IL1R2: variants seen among roughly 807,000 people sequenced by gnomAD.
The protein encoded by IL1R2 is interleukin-1 receptor type 2.
Under a neutral mutation model 39.5 loss-of-function variants are expected in IL1R2, and 46 were observed. That is an observed-to-expected ratio of 1.16 (90% CI 0.92 to 1.49). The LOEUF is 1.49. Ranked by LOEUF, IL1R2 falls within the 40% of genes most tolerant of loss-of-function variation. IL1R2 has a pLI of 0.00. For synonymous variants in IL1R2, 207 were observed against 189.6 expected, an observed-to-expected ratio of 1.09 and a Z score of -0.75; for missense variants, 537 against 502.0, an observed-to-expected ratio of 1.07 and a Z score of -0.67.
rs529571441 is a variant in IL1R2, at chr2:102,003,235, G to T, written c.-61-5280G>T. Among the ~76,000 whole-genome samples, 4 of 131,024 alleles carry T rather than the reference G, an allele frequency of 3.1e-5. No homozygotes were observed. In the East Asian group the frequency reaches 9.1e-4, roughly 30 times the overall value. 86.0% of individuals were successfully genotyped at this position (131,024 alleles called of 152,430 possible). A position where few individuals can be genotyped will look rare whatever the true frequency, so the allele number is the denominator to read the frequency against. On this transcript the variant is annotated intron_variant, in intron 1 of 8. Transcript: ENST00000332549. ...ATATCTGTGTCTGTGTCTGGCTGTG[G>T]CTGTGTCTGTGTCTGTGTCGGTGTC...
At chr2:101,992,358 G>T (rs1675381628) in intron 1 of IL1R2, among the ~76,000 whole-genome samples, 1 of 151,160 alleles carries the variant, frequency 6.6e-6, no homozygotes, top group Non-Finnish European at 1.5e-5. Context: ...GACAGAGAAA[G>T]ACAGAGACAG....
intron 3 of IL1R2, 150 bp downstream of exon 3, chr2:102,009,976 C>A (rs536495530): frequency 1.9e-4 from 156 of 823,442 alleles, no homozygotes; most frequent in East Asian, 5.9e-4. Context: ...TCCTGACACC[C>A]CCCCCAACCC....
intron 3 of IL1R2, 45 bp downstream of exon 3, chr2:102,009,871 G>A: frequency 6.3e-7 from 1 of 1,597,810 alleles, no homozygotes; most frequent in African/African-American, 1.3e-5. Flanking sequence ...CTGGCAGGAT[G>A]GAGGCTTGTG....
rs140274650 is a variant in IL1R2 at position 102,005,976 on chromosome 2, A to G, written c.-61-2539A>G. ...TAACCCCTTTAAACTCTTATAATAC[A>G]TCCTCTGTAAAATCAGCATGATACT... On this transcript the variant is annotated intron_variant, in intron 1 of 8. Coordinates refer to ENST00000332549, the MANE Select transcript of IL1R2 (RefSeq NM_004633.4). Among the ~76,000 whole-genome samples the G allele has an allele frequency of 8.8e-3, 1,334 of 152,300 alleles. 22 individuals are homozygous for G. Among genetic ancestry groups the G allele is most frequent in the African/African-American group, 0.031 (1,273 of 41,540 alleles).
chr2:102,014,726 G>A lies in IL1R2; in HGVS notation c.333-1145G>A, dbSNP rs3218891. The stretch of plus-strand genomic sequence containing the variant: ...ATTTTTACCCCTATATGTAAAACTC[G>A]TCCTTATTGTCTCTGTCAAAGTCTC... On this transcript the variant is annotated intron_variant, in intron 3 of 8. Coordinates refer to ENST00000332549, the MANE Select transcript of IL1R2 (RefSeq NM_004633.4). 8.8e-3 allele frequency among the ~76,000 whole-genome samples: 1,342 copies of A among 151,658 alleles called. 20 individuals are homozygous for A. The highest frequency in any genetic ancestry group is 0.03 in the African/African-American group (1,248 of 41,356).
intron 5 of IL1R2, 28 bp from the exon 6 acceptor site, chr2:102,022,159 G>A: frequency 6.3e-7 from 1 of 1,585,898 alleles, no homozygotes; most frequent in Non-Finnish European, 8.7e-7. Flanking sequence ...TTTCCTAACG[G>A]AATCTCTTTT....
intron 7 of IL1R2, 165 bp downstream of exon 7, chr2:102,024,833 G>A: frequency 2.2e-6 from 2 of 891,086 alleles, no homozygotes; most frequent in East Asian, 2.8e-5. Flanking sequence ...AAATTATCTT[G>A]AGAATCAAAC....
intron 1 of IL1R2, among the ~76,000 whole-genome samples, chr2:101,999,920 A>G (rs1675767718): frequency 6.6e-6 from 1 of 152,256 alleles, no homozygotes. Context: ...GAACACTTAT[A>G]TGTTCTATAA....
chr2:101,997,133 G>T (rs559425002), intron 1 of IL1R2, among the ~76,000 whole-genome samples: 184 of 152,312 alleles, frequency 1.2e-3, no homozygotes, highest in Non-Finnish European at 2.1e-3. Flanking sequence ...ACTGGCTTCT[G>T]TGGAGATGTC....
chr2:102,023,702 G>C (rs1677538419), intron 6 of IL1R2: 1 of 152,098 alleles, frequency 6.6e-6, no homozygotes, highest in African/African-American at 2.4e-5. Context: ...TTGAGGCAGG[G>C]GGACCCAGTA....
chr2:102,019,411 A>G (rs1019651390), intron 4 of IL1R2, among the ~76,000 whole-genome samples: 3 of 152,182 alleles, frequency 2.0e-5, no homozygotes, highest in Non-Finnish European at 4.4e-5. Flanking sequence ...ATATGCTCTA[A>G]CTATTGTAGT....
In IL1R2 at chr2:102,005,505, C is replaced by T. The variant is rs544838218; in HGVS notation, c.-61-3010C>T. ...AAAAAAGGTAGTCCAGGGTGGTGGG[C>T]GGCTTCACGAAGCCACCAAGGACTC... On this transcript the variant is annotated intron_variant, in intron 1 of 8. Coordinates refer to ENST00000332549, the MANE Select transcript of IL1R2 (RefSeq NM_004633.4). Among the ~76,000 whole-genome samples the T allele has an allele frequency of 1.1e-4, 17 of 152,284 alleles. No homozygotes were observed. In the East Asian group the frequency reaches 1.4e-3, roughly 12 times the overall value.
At chr2:102,016,322 T>A (rs984643470) in intron 4 of IL1R2, 2 of 271,994 alleles carry the variant, frequency 7.4e-6, no homozygotes, top group African/African-American at 4.4e-5. Context: ...TACTGTCACA[T>A]GCTGCATGAC....
intron 1 of IL1R2, among the ~76,000 whole-genome samples, chr2:102,001,384 T>C (rs1675850528): frequency 6.6e-6 from 1 of 152,216 alleles, no homozygotes; most frequent in African/African-American, 2.4e-5. Flanking sequence ...CCTAATGCCC[T>C]ATTCTGCCAA....
chr2:102,026,711 A>G (rs903692500), intron 8 of IL1R2, among the ~76,000 whole-genome samples: 9 of 152,222 alleles, frequency 5.9e-5, no homozygotes, highest in African/African-American at 2.2e-4. Context: ...AATAGGTACA[A>G]GGCTACAGCC....
chr2:102,015,092 T>A (rs905112687), intron 3 of IL1R2, among the ~76,000 whole-genome samples: 1 of 152,198 alleles, frequency 6.6e-6, no homozygotes, highest in African/African-American at 2.4e-5. Context: ...CTTCAGTTGG[T>A]AAATCATTCC....
intron 1 of IL1R2, among the ~76,000 whole-genome samples, chr2:101,994,251 C>G (rs1005424870): frequency 2.6e-5 from 4 of 152,108 alleles, no homozygotes; most frequent in African/African-American, 7.2e-5. Flanking sequence ...CATCCCCACT[C>G]CCACCCCGAC....
rs185392613 is a variant in IL1R2 at position 102,010,962 on chromosome 2, G to C, written c.332+1136G>C. ...CGACTCTATGATTTTGACGACTCTA[G>C]GTACCTCGTTTAAATCGTTTAAGTG... is the stretch of plus-strand genomic sequence containing the variant. On this transcript the variant is annotated intron_variant, in intron 3 of 8. Coordinates refer to ENST00000332549, the MANE Select transcript of IL1R2 (RefSeq NM_004633.4). 1.6e-4 allele frequency among the ~76,000 whole-genome samples: 24 copies of C among 152,200 alleles called. 1 individual carries two copies. In the East Asian group the frequency reaches 2.1e-3, roughly 13 times the overall value.
chr2:102,001,700 C>G (rs918039742), intron 1 of IL1R2, among the ~76,000 whole-genome samples: 4 of 152,174 alleles, frequency 2.6e-5, no homozygotes, highest in African/African-American at 9.7e-5. Flanking sequence ...AGTCTTCCCT[C>G]TTAAAATTCT....
Sources: gnomAD v4.1 joint callset for allele counts (sites outside exome capture counted in the v4.1 genomes callset) on GRCh38, gnomAD v4.1.1 for gene constraint, MANE v1.5 for transcripts, NCBI Gene and HGNC (gene_info 2026-07-23, HGNC 2026-07-21) for gene names.